Variants in NELL2 observed in about 807,000 individuals in gnomAD.
NELL2 encodes the protein neural EGFL like 2, also known as protein kinase C-binding protein NELL2.
NELL2 carries 41 observed loss-of-function variants against 109.6 expected under a neutral mutation model. The ratio of observed to expected loss-of-function variants is 0.37; its 90% CI spans 0.29 to 0.49. NELL2 has a LOEUF of 0.49. Among genes scored for constraint, NELL2 ranks in the 20% least tolerant of loss-of-function variants. The pLI is 0.98. For missense variants in NELL2, 900 were observed against 1,008.3 expected, an observed-to-expected ratio of 0.89 and a Z score of 1.45; for synonymous variants, 355 against 344.7, an observed-to-expected ratio of 1.03 and a Z score of -0.33.
At chr12:44,915,127 T>C (rs988216996), upstream of NELL2, among the ~76,000 whole-genome samples, 3 of 152,128 alleles carry the variant, frequency 2.0e-5, no homozygotes, top group Admixed American at 6.5e-5. Context: ...CTGGGATTAC[T>C]GGCGTGAGCC....
rs137997922 is a variant in NELL2 at position 44,835,676 on chromosome 12, A to T, written c.185-19540T>A. ...TATATAATGGTTAGGTCCTCTGAAGATTCAATTTACTGGATCATGCTGTGA... is the reference window on the plus strand; with the variant it reads ...TATATAATGGTTAGGTCCTCTGAAGTTTCAATTTACTGGATCATGCTGTGA... On this transcript the variant is annotated intron_variant, in intron 2 of 19. Coordinates refer to ENST00000429094, the MANE Select transcript of NELL2 (RefSeq NM_001145108.2). Among the ~76,000 whole-genome samples, 388 of 152,338 alleles carry T rather than the reference A, an allele frequency of 2.5e-3. 3 individuals carry two copies. The highest frequency in any genetic ancestry group is 8.8e-3 in the African/African-American group (366 of 41,570).
intron 3 of NELL2, among the ~76,000 whole-genome samples, chr12:44,801,284 G>A (rs925943290): frequency 1.3e-5 from 2 of 152,084 alleles, no homozygotes; most frequent in African/African-American, 4.8e-5. Context: ...TGATGCTGCT[G>A]AAATAAAGAA....
intron 3 of NELL2, among the ~76,000 whole-genome samples, chr12:44,796,467 T>G (rs1188504692): frequency 2.0e-5 from 3 of 152,134 alleles, no homozygotes; most frequent in African/African-American, 7.2e-5. Context: ...TTTTCTTACA[T>G]TAAGCCCTAA....
intron 5 of NELL2, among the ~76,000 whole-genome samples, chr12:44,778,567 G>C (rs903637778): frequency 1.3e-5 from 2 of 152,168 alleles, no homozygotes; most frequent in Non-Finnish European, 2.9e-5. Context: ...CCATGGGAAG[G>C]ACTGTCACGA....
chr12:44,554,404 G>A (rs530537017), intron 15 of NELL2, among the ~76,000 whole-genome samples: 1 of 152,268 alleles, frequency 6.6e-6, no homozygotes, highest in African/African-American at 2.4e-5. Flanking sequence ...GAAATGCAAA[G>A]TAACATACAA....
At chr12:44,774,688 T>C in intron 9 of NELL2, 59 bp downstream of exon 9, 1 of 1,367,506 alleles carries the variant, frequency 7.3e-7, no homozygotes, top group Non-Finnish European at 1.0e-6. Context: ...GGGTGAATAC[T>C]TATTAATACA....
rs992063503 is a variant in NELL2 at position 44,786,182 on chromosome 12, GA to G, written c.336-6161del. ...GGAAGGACATTAAATAAATTTACAA[GA>G]AAAAAAACAAACAGCCCCATCAAAA... is the stretch of plus-strand genomic sequence containing the variant. On this transcript the variant is annotated intron_variant, in intron 3 of 19. Transcript: ENST00000429094. 1.5e-3 allele frequency among the ~76,000 whole-genome samples: 224 copies of G among 151,188 alleles called. 1 individual carries two copies. The highest frequency in any genetic ancestry group is 4.9e-3 in the African/African-American group (204 of 41,226).
At position 44,532,736 on chromosome 12, in the gene NELL2, G is replaced by A; in HGVS notation, c.1664-15C>T. ...TTCATCAATGTCTGGCAAAAAAAGA[G>A]GGATTTTATAAAATTATTTATCTTC... On this transcript the variant is annotated splice_polypyrimidine_tract_variant and intron_variant, in intron 15 of 19. Coordinates refer to ENST00000429094, the MANE Select transcript of NELL2 (RefSeq NM_001145108.2). The A allele has an allele frequency of 6.3e-7, 1 of 1,593,574 alleles. No homozygotes were observed. The highest frequency in any genetic ancestry group is 8.5e-7 in the Non-Finnish European group (1 of 1,170,336).
chr12:44,541,274 A>G (rs1295058657), intron 15 of NELL2, among the ~76,000 whole-genome samples: 2 of 151,188 alleles, frequency 1.3e-5, no homozygotes, highest in Non-Finnish European at 3.0e-5. Context: ...AAAGAAAAAA[A>G]AAAGAAATAG....
chr12:44,833,747 T>C (rs1357935600), intron 2 of NELL2, among the ~76,000 whole-genome samples: 1 of 152,208 alleles, frequency 6.6e-6, no homozygotes, highest in Non-Finnish European at 1.5e-5. Context: ...CTCTAGGTAA[T>C]ACCTGATAAT....
At chr12:44,700,285 TC>T (rs1178902950) in intron 12 of NELL2, among the ~76,000 whole-genome samples, 4 of 152,216 alleles carry the variant, frequency 2.6e-5, no homozygotes, top group Non-Finnish European at 5.9e-5. Flanking sequence ...TCCATTGGTT[TC>T]CCTGCATCCA....
At chr12:44,565,899 T>C (rs1943640006) in intron 15 of NELL2, among the ~76,000 whole-genome samples, 1 of 152,128 alleles carries the variant, frequency 6.6e-6, no homozygotes, top group Admixed American at 6.6e-5. Flanking sequence ...GATTGCACAT[T>C]CCTAAGAAGC....
intron 19 of NELL2, among the ~76,000 whole-genome samples, chr12:44,511,086 C>A (rs1214518018): frequency 6.6e-6 from 1 of 152,136 alleles, no homozygotes; most frequent in Non-Finnish European, 1.5e-5. Context: ...ATTAATATTG[C>A]ACCCATAAGT....
intron 9 of NELL2, among the ~76,000 whole-genome samples, chr12:44,756,001 G>A (rs369490870): frequency 2.0e-5 from 3 of 152,004 alleles, no homozygotes; most frequent in African/African-American, 4.8e-5. Flanking sequence ...GGCTGTTTTC[G>A]GTACACTGTT....
At chr12:44,800,588 T>G (rs1376133426) in intron 3 of NELL2, among the ~76,000 whole-genome samples, 2 of 152,186 alleles carry the variant, frequency 1.3e-5, no homozygotes, top group Admixed American at 1.3e-4. Context: ...GATATGTCCA[T>G]CTGGAGTGAG....
In NELL2 at chr12:44,903,436, G is replaced by C. The variant is rs190393599; in HGVS notation, c.38+10363C>G. On this transcript the variant is annotated intron_variant, in intron 1 of 20. Transcript: ENST00000333837. ...GAAATAAGAATGCTTTTACATGGTT[G>C]GTGGGAGTGTAAATTAGTTCAACCA... 1.7e-3 allele frequency among the ~76,000 whole-genome samples: 259 copies of C among 152,252 alleles called. 1 individual carries two copies. Among genetic ancestry groups the C allele is most frequent in the African/African-American group, 5.8e-3 (239 of 41,548 alleles).
At chr12:44,519,855 C>CAG (rs34690332) in intron 19 of NELL2, 150 bp downstream of exon 19, 130,603 of 700,284 alleles carry the variant, frequency 0.19, 20,965 homozygotes, top group African/African-American at 0.7. Context: ...CTGGAACTAA[C>CAG]AGCTGAGTGG....
At chr12:44,894,175 C>T (rs1299614868) in intron 1 of NELL2, among the ~76,000 whole-genome samples, 1 of 152,090 alleles carries the variant, frequency 6.6e-6, no homozygotes, top group African/African-American at 2.4e-5. Flanking sequence ...AAGCAAATAG[C>T]AAGTCCCTGT....
chr12:44,700,184 A>C (rs1337817182), intron 12 of NELL2, among the ~76,000 whole-genome samples: 1 of 152,082 alleles, frequency 6.6e-6, no homozygotes, highest in African/African-American at 2.4e-5. Context: ...ACCACCAATT[A>C]ATCAAGACTG....
Sources: allele counts gnomAD v4.1 joint callset (sites outside exome capture counted in the v4.1 genomes callset), GRCh38; gene constraint gnomAD v4.1.1; transcripts MANE v1.5; gene names NCBI Gene and HGNC (gene_info 2026-07-23, HGNC 2026-07-21).